SEC61A2: variants seen among roughly 807,000 people sequenced by gnomAD.
SEC61A2 encodes the protein SEC61 translocon subunit alpha 2, also known as protein transport protein Sec61 subunit alpha isoform 2.
SEC61A2 carries 28 observed loss-of-function variants against 59.9 expected under a neutral mutation model. That is an observed-to-expected ratio of 0.47 (90% CI 0.35 to 0.64). The LOEUF (loss-of-function observed/expected upper bound fraction) is 0.64, where lower values mean the gene tolerates loss of function less well. Among genes scored for constraint, SEC61A2 ranks in the 30% least tolerant of loss-of-function variants. The pLI, the probability that SEC61A2 is intolerant of heterozygous loss-of-function variation, is 0.01. For missense variants in SEC61A2, 340 were observed against 585.9 expected (o/e 0.58, Z 4.33); for synonymous variants, 202 against 214.4 (o/e 0.94, Z 0.50).
At position 12,164,334 on chromosome 10, in the gene SEC61A2, C is replaced by T. The variant is rs1834611315; in HGVS notation, c.1311C>T (p.Phe437=). The T allele has an allele frequency of 6.2e-7, 1 of 1,613,944 alleles. No individual in the cohort carries two copies. Among genetic ancestry groups the T allele is most frequent in the Non-Finnish European group, 8.5e-7 (1 of 1,180,020 alleles). The change falls in exon 12 of 12, where the codon TTC becomes TTT. Residue 437 remains phenylalanine (F), a synonymous_variant. Transcript: ENST00000298428. The surrounding 1 kb of genome is among the most constrained non-coding windows in gnomAD (Gnocchi z 7.3). Reference sequence around the variant, plus strand: ...GCGCCCTGTCAGTGCTGGCTGACTTCCTGGGGGCCATTGGATCTGGCACTG... The same window carrying T: ...GCGCCCTGTCAGTGCTGGCTGACTTTCTGGGGGCCATTGGATCTGGCACTG... ...CIGALSVLAD[F]LGAIGSGTGI...
In SEC61A2 at chr10:12,139,265, G is replaced by A. The variant is rs542058217; in HGVS notation, c.141+3095G>A. 1.7e-3 allele frequency among the ~76,000 whole-genome samples: 264 copies of A among 151,370 alleles called. 2 individuals carry two copies. The highest frequency in any genetic ancestry group is 6.1e-3 in the African/African-American group (252 of 41,290). On this transcript the variant is annotated intron_variant, in intron 3 of 11. Coordinates refer to ENST00000298428, the MANE Select transcript of SEC61A2 (RefSeq NM_018144.4). ...GCGTGAGCCACCACGCCCGGCCCTC[G>A]GTTGCCCCATTTTGTATTTCCACCA...
downstream of SEC61A2, chr10:12,167,685 C>T (rs1483650835): frequency 1.9e-6 from 3 of 1,611,332 alleles, no homozygotes; most frequent in African/African-American, 1.3e-5. Context: ...CAAAAATGGC[C>T]AGTGTCATAT....
At chr10:12,147,515 T>C (rs1460865646) in intron 4 of SEC61A2, among the ~76,000 whole-genome samples, 4 of 152,032 alleles carry the variant, frequency 2.6e-5, no homozygotes, top group African/African-American at 9.7e-5. Flanking sequence ...TGAAACCCCA[T>C]CTCTACCAAA....
At chr10:12,138,987 A>T (rs1488047592) in intron 3 of SEC61A2, among the ~76,000 whole-genome samples, 1 of 151,954 alleles carries the variant, frequency 6.6e-6, no homozygotes, top group African/African-American at 2.4e-5. Flanking sequence ...TTTGAGACGT[A>T]GTCTCGCTCT....
chr10:12,155,858 C>T lies in SEC61A2; in HGVS notation c.543C>T (p.Leu181=). ...ACGGCTTGGGGTCTGGGATTTCCCT[C>T]TTTATTGCCACCAACATCTGTGAGA... ...KGYGLGSGIS[L]FIATNICETI... Residue 181 remains leucine, a synonymous_variant, in exon 7 of 12, where the codon CTC becomes CTT. Coordinates refer to ENST00000298428, the MANE Select transcript of SEC61A2 (RefSeq NM_018144.4). The surrounding 1 kb of genome is among the most constrained non-coding windows in gnomAD (Gnocchi z 4.3). 1 of 1,614,202 alleles carries T rather than the reference C, an allele frequency of 6.2e-7. No homozygotes were observed. The highest frequency in any genetic ancestry group is 1.3e-5 in the African/African-American group (1 of 75,060).
At chr10:12,148,304 G>T (rs1432615917) in intron 4 of SEC61A2, among the ~76,000 whole-genome samples, 1 of 148,604 alleles carries the variant, frequency 6.7e-6, no homozygotes, top group African/African-American at 2.5e-5. Context: ...GGAGTGCAAT[G>T]GCGGGATCTT....
intron 1 of SEC61A2, among the ~76,000 whole-genome samples, chr10:12,130,048 C>T (rs1410030639): frequency 1.3e-5 from 2 of 152,120 alleles, no homozygotes; most frequent in Admixed American, 6.5e-5. Flanking sequence ...CGCTGGGAGG[C>T]CATTGGTTTT....
chr10:12,166,706 C>T (rs1386182772), downstream of SEC61A2: 1 of 508,476 alleles, frequency 2.0e-6, no homozygotes, highest in South Asian at 1.5e-5. Flanking sequence ...GGGGGCCAGA[C>T]TGGAAAGTCC....
rs1265776202 is a variant in SEC61A2 at position 12,153,400 on chromosome 10, T to TA, written c.463-2377dup. On this transcript the variant is annotated intron_variant, in intron 6 of 11. Transcript: ENST00000298428. This position sits in a 1 kb window ranked among gnomAD's most constrained non-coding sequence, Gnocchi z 5.2. ...ACATTATACATCAAGAAAAGCTCTCTAGTATCTTACTTAAGGATCTATTCA... is the reference window on the plus strand; with the variant it reads ...ACATTATACATCAAGAAAAGCTCTCTAAGTATCTTACTTAAGGATCTATTCA... Among the ~76,000 whole-genome samples, 2 of 152,192 alleles carry TA rather than the reference T, an allele frequency of 1.3e-5. No homozygotes were observed. Among genetic ancestry groups the TA allele is most frequent in the Non-Finnish European group, 2.9e-5 (2 of 68,028 alleles).
chr10:12,155,346 A>C lies in SEC61A2; in HGVS notation c.463-432A>C. 1 of 1,584,832 alleles carries C rather than the reference A, an allele frequency of 6.3e-7. No individual in the cohort carries two copies. Among genetic ancestry groups the C allele is most frequent in the Non-Finnish European group, 8.6e-7 (1 of 1,167,932 alleles). ...GCCCTTAGACTTATCCTTTGATGGC[A>C]GTGTACATTTCCATCTTGCTATTAT... On this transcript the variant is annotated intron_variant, in intron 6 of 11. Transcript: ENST00000298428. The surrounding 1 kb of genome is among the most constrained non-coding windows in gnomAD (Gnocchi z 4.3).
intron 2 of SEC61A2, among the ~76,000 whole-genome samples, chr10:12,134,249 T>C (rs758865447): frequency 1.9e-3 from 291 of 152,202 alleles, no homozygotes; most frequent in Non-Finnish European, 2.6e-3. Context: ...CCTTGTGATC[T>C]GCCCGCCTCA....
In SEC61A2 at chr10:12,142,586, C is replaced by G; in HGVS notation, c.142-531C>G. 1 of 826,938 alleles carries G rather than the reference C, an allele frequency of 1.2e-6. No homozygotes were observed. The highest frequency in any genetic ancestry group is 1.5e-6 in the Non-Finnish European group (1 of 685,482). 51.2% of individuals were successfully genotyped at this position (826,938 alleles called of 1,614,324 possible). A position where few individuals can be genotyped will look rare whatever the true frequency, so the allele number is the denominator to read the frequency against. ...GGCAGGTATAATATTCCATAATCTA[C>G]TGGTGGGAGTGTTTTTTAAATTGTG... On this transcript the variant is annotated intron_variant, in intron 3 of 11. Transcript: ENST00000298428. The surrounding 1 kb of genome is among the most constrained non-coding windows in gnomAD (Gnocchi z 5.4).
rs374643912 is a variant in SEC61A2 at position 12,158,063 on chromosome 10, A to C, written c.933A>C (p.Arg311=). ...TTATTTCCCAGATGCTGTCTGTTCG[A>C]TTTAGTGGCAACTTTTTAGTAAATT... ...LYVISQMLSV[R]FSGNFLVNLL... is the part of the protein sequence containing the mutation. Residue 311 remains arginine (R), a synonymous_variant, in exon 9 of 12, where the codon CGA becomes CGC. Transcript: ENST00000298428. The surrounding 1 kb of genome is among the most constrained non-coding windows in gnomAD (Gnocchi z 5.7). 6.2e-7 allele frequency: 1 copy of C among 1,614,116 alleles called. No individual in the cohort carries two copies. Among genetic ancestry groups the C allele is most frequent in the Admixed American group, 1.7e-5 (1 of 60,014 alleles).
At chr10:12,166,694 G>GT, downstream of SEC61A2, 1 of 504,932 alleles carries the variant, frequency 2.0e-6, no homozygotes, top group South Asian at 1.5e-5. Context: ...TGAGAATTCC[G>GT]TGGGGGCCAG....
At position 12,154,981 on chromosome 10, in the gene SEC61A2, G is replaced by T. The variant is rs755467605; in HGVS notation, c.463-797G>T. On this transcript the variant is annotated intron_variant, in intron 6 of 11. Coordinates refer to ENST00000298428, the MANE Select transcript of SEC61A2 (RefSeq NM_018144.4). The surrounding 1 kb of genome is among the most constrained non-coding windows in gnomAD (Gnocchi z 5.2). ...TTAGGTTATTTGAGTGCAGGGAAGG[G>T]GTCATATGACTGAGGAGGTCACTTG... 6.6e-6 allele frequency among the ~76,000 whole-genome samples: 1 copy of T among 152,032 alleles called. No individual in the cohort carries two copies. Among genetic ancestry groups the T allele is most frequent in the African/African-American group, 2.4e-5 (1 of 41,378 alleles).
intron 1 of SEC61A2, among the ~76,000 whole-genome samples, chr10:12,132,132 C>G (rs868750598): frequency 9.3e-5 from 14 of 149,822 alleles, no homozygotes; most frequent in Non-Finnish European, 7.4e-5. Flanking sequence ...GAAACCCCGG[C>G]TCTACGAAAA....
At chr10:12,147,690 A>T (rs1024306822) in intron 4 of SEC61A2, among the ~76,000 whole-genome samples, 7 of 151,964 alleles carry the variant, frequency 4.6e-5, no homozygotes, top group Admixed American at 4.6e-4. Flanking sequence ...CTAAAAAAAA[A>T]AAAAAAAAAA....
chr10:12,140,623 TC>T lies in SEC61A2; in HGVS notation c.142-2493del, dbSNP rs144474178. On this transcript the variant is annotated intron_variant, in intron 3 of 11. Transcript: ENST00000298428. ...ACTTGTGGAATATTTTGAGATGGAG[TC>T]TCACTCTGTCACCCAGGCTGGAGTG... is the stretch of plus-strand genomic sequence containing the variant. Among the ~76,000 whole-genome samples, 1,435 of 152,174 alleles carry T rather than the reference TC, an allele frequency of 9.4e-3. 20 individuals carry two copies. Among genetic ancestry groups the T allele is most frequent in the African/African-American group, 0.033 (1,351 of 41,514 alleles).
intron 4 of SEC61A2, among the ~76,000 whole-genome samples, chr10:12,147,185 C>T (rs1564411225): frequency 6.6e-6 from 1 of 152,232 alleles, no homozygotes; most frequent in Admixed American, 6.5e-5. Flanking sequence ...GCCACCATGT[C>T]TGCCTTAATA....
Sources: allele counts gnomAD v4.1 joint callset (sites outside exome capture counted in the v4.1 genomes callset), GRCh38; gene constraint gnomAD v4.1.1; non-coding constraint Gnocchi (gnomAD v3.1); transcripts MANE v1.5; gene names NCBI Gene and HGNC (gene_info 2026-07-23, HGNC 2026-07-21).